RPH3A: variants seen among roughly 807,000 people sequenced by gnomAD.
RPH3A encodes rabphilin 3A.
A neutral mutation model predicts 102.2 loss-of-function variants in RPH3A; 48 were observed. The observed-to-expected ratio is 0.47, with a 90% CI of 0.37 to 0.60. RPH3A has a LOEUF of 0.60. Among genes scored for constraint, RPH3A ranks in the 20% least tolerant of loss-of-function variants. RPH3A has a pLI of 0.00. For missense variants in RPH3A, 781 were observed against 910.1 expected (o/e 0.86, Z 1.83); for synonymous variants, 310 against 324.3 (o/e 0.96, Z 0.47).
At chr12:112,758,221 G>T (rs2040833916) in intron 1 of RPH3A, among the ~76,000 whole-genome samples, 1 of 152,220 alleles carries the variant, frequency 6.6e-6, no homozygotes, top group African/African-American at 2.4e-5. Context: ...GTTCAAAGAT[G>T]CAGCTTCTCT....
chr12:112,863,991 A>T (rs1490077754), intron 5 of RPH3A, among the ~76,000 whole-genome samples: 1 of 152,254 alleles, frequency 6.6e-6, no homozygotes, highest in East Asian at 1.9e-4. Flanking sequence ...CGGGGAACTC[A>T]TAGCCCAGCA....
At chr12:112,845,097 C>A (rs1438971797) in intron 4 of RPH3A, among the ~76,000 whole-genome samples, 1 of 152,224 alleles carries the variant, frequency 6.6e-6, no homozygotes, top group Non-Finnish European at 1.5e-5. Context: ...GTCACTTCCA[C>A]TGTATTTAGT....
intron 12 of RPH3A, among the ~76,000 whole-genome samples, chr12:112,876,274 C>T (rs1411458637): frequency 2.6e-5 from 4 of 152,174 alleles, no homozygotes; most frequent in Non-Finnish European, 5.9e-5. Flanking sequence ...AGTGCTACAC[C>T]TGTATTTGTT....
At chr12:112,711,642 C>T (rs1445395640) in intron 1 of RPH3A, among the ~76,000 whole-genome samples, 1 of 152,082 alleles carries the variant, frequency 6.6e-6, no homozygotes, top group Non-Finnish European at 1.5e-5. Context: ...GCAATGGCCA[C>T]GAATTTGCTT....
rs143661949 is a variant in RPH3A at position 112,679,069 on chromosome 12, G to T, written c.-140+103750G>T. 9.9e-4 allele frequency among the ~76,000 whole-genome samples: 150 copies of T among 152,080 alleles called. No homozygotes were observed. The East Asian group carries it at 0.011, about 11-fold the overall frequency. ...CCCCACTGCAGGCTGGAACACACTC[G>T]CCCTGTGTGTCTGTTCTCTCCTGGA... is the stretch of plus-strand genomic sequence containing the variant. On this transcript the variant is annotated intron_variant, in intron 1 of 21. Transcript: ENST00000543106.
chr12:112,665,500 T>C (rs939005521), intron 1 of RPH3A, among the ~76,000 whole-genome samples: 1 of 152,228 alleles, frequency 6.6e-6, no homozygotes, highest in African/African-American at 2.4e-5. Flanking sequence ...TTTCCTCATC[T>C]GTAAAGTAGG....
intron 1 of RPH3A, among the ~76,000 whole-genome samples, chr12:112,698,307 A>G (rs1335095695): frequency 6.6e-6 from 1 of 152,212 alleles, no homozygotes; most frequent in East Asian, 1.9e-4. Context: ...ACAACTACTA[A>G]TAAAAAAAGG....
At chr12:112,596,670 CCTT>C (rs1389115405) in intron 1 of RPH3A, among the ~76,000 whole-genome samples, 2 of 151,990 alleles carry the variant, frequency 1.3e-5, no homozygotes, top group Non-Finnish European at 2.9e-5. Context: ...AGTTTTCCAC[CCTT>C]CTTCTATATT....
chr12:112,788,494 T>C (rs990107653), upstream of RPH3A, among the ~76,000 whole-genome samples: 3 of 152,240 alleles, frequency 2.0e-5, no homozygotes, highest in African/African-American at 7.2e-5. Flanking sequence ...CTGCCTCTGC[T>C]GCTCCCTGGT....
At chr12:112,680,720 T>G (rs1439044147) in intron 1 of RPH3A, among the ~76,000 whole-genome samples, 2 of 152,168 alleles carry the variant, frequency 1.3e-5, no homozygotes, top group African/African-American at 4.8e-5. Context: ...GACCTAAACA[T>G]CAGACTCAGG....
chr12:112,690,774 T>G (rs999068855), intron 1 of RPH3A, among the ~76,000 whole-genome samples: 1 of 152,226 alleles, frequency 6.6e-6, no homozygotes, highest in Non-Finnish European at 1.5e-5. Flanking sequence ...ACTTGCCGTA[T>G]GTATACAAAT....
chr12:112,800,086 A>AATAAACAAGTAAACAC (rs2041313035), intron 2 of RPH3A, among the ~76,000 whole-genome samples: 1 of 152,192 alleles, frequency 6.6e-6, no homozygotes, highest in Non-Finnish European at 1.5e-5. Context: ...TGGCAAAACC[A>AATAAACAAGTAAACAC]ATAAACAAGT....
intron 1 of RPH3A, among the ~76,000 whole-genome samples, chr12:112,643,473 CCATT>C (rs1380792194): frequency 6.6e-6 from 1 of 152,228 alleles, no homozygotes; most frequent in Non-Finnish European, 1.5e-5. Context: ...TTTTGTTCAT[CCATT>C]CATTCAGCCA....
chr12:112,638,831 G>A (rs750273491), intron 1 of RPH3A, among the ~76,000 whole-genome samples: 9 of 152,294 alleles, frequency 5.9e-5, no homozygotes, highest in Non-Finnish European at 1.0e-4. Context: ...GAGGAAACCC[G>A]AGATGATAGA....
At chr12:112,810,270 C>T (rs1265739535) in intron 2 of RPH3A, among the ~76,000 whole-genome samples, 2 of 152,152 alleles carry the variant, frequency 1.3e-5, no homozygotes, top group African/African-American at 2.4e-5. Context: ...AAATGCAGCC[C>T]CTATCAGTGA....
chr12:112,696,085 T>C (rs1271636216), intron 1 of RPH3A, among the ~76,000 whole-genome samples: 1 of 152,230 alleles, frequency 6.6e-6, no homozygotes, highest in African/African-American at 2.4e-5. Flanking sequence ...GAGCATACTA[T>C]ATTTGGTTTT....
chr12:112,717,235 A>G (rs966751492), intron 1 of RPH3A, among the ~76,000 whole-genome samples: 2 of 152,150 alleles, frequency 1.3e-5, no homozygotes, highest in African/African-American at 4.8e-5. Flanking sequence ...AGTTTTGACG[A>G]ATGCATAGTG....
At chr12:112,599,012 C>A (rs1000641702) in intron 1 of RPH3A, among the ~76,000 whole-genome samples, 3 of 152,164 alleles carry the variant, frequency 2.0e-5, no homozygotes, top group Non-Finnish European at 2.9e-5. Context: ...ATATCTTAGA[C>A]ACCAGTAATT....
rs113892411 is a variant in RPH3A, at chr12:112,721,493, A to C, written c.-139-70650A>C. Among the ~76,000 whole-genome samples the C allele has an allele frequency of 2.0e-3, 312 of 152,384 alleles. 3 individuals are homozygous for C. Among genetic ancestry groups the C allele is most frequent in the African/African-American group, 6.5e-3 (269 of 41,604 alleles). ...CCAGATTGTGAATATATCAGACTCCAAGGAATCTATTAGAAAACATTAATG... is the reference window on the plus strand; with the variant it reads ...CCAGATTGTGAATATATCAGACTCCCAGGAATCTATTAGAAAACATTAATG... On this transcript the variant is annotated intron_variant, in intron 1 of 21. Coordinates refer to the RPH3A transcript ENST00000543106.
Sources: allele counts gnomAD v4.1 joint callset (sites outside exome capture counted in the v4.1 genomes callset), GRCh38; gene constraint gnomAD v4.1.1; transcripts MANE v1.5; gene names NCBI Gene and HGNC (gene_info 2026-07-23, HGNC 2026-07-21).